The following RASSF3 variants were observed in gnomAD, a reference collection of about 807,000 sequenced individuals.
RASSF3 encodes the protein Ras association domain family member 3, also known as ras association domain-containing protein 3.
RASSF3 carries 19 observed loss-of-function variants against 19.9 expected under a neutral mutation model. That is an observed-to-expected ratio of 0.96 (90% CI 0.67 to 1.40). The LOEUF (loss-of-function observed/expected upper bound fraction) is 1.40. Among genes scored for constraint, RASSF3 ranks in the 40% most tolerant of loss-of-function variants. The probability of loss-of-function intolerance (pLI) is 0.00; values close to 1 mark genes in which losing one functional copy is unlikely to be tolerated. For synonymous variants in RASSF3, 110 were observed against 104.2 expected (o/e 1.06, Z -0.34); for missense variants, 306 against 289.8 (o/e 1.06, Z -0.41).
chr12:64,509,806 G>A (rs866204695), intron 1 of RASSF3, among the ~76,000 whole-genome samples: 5 of 151,924 alleles, frequency 3.3e-5, no homozygotes, highest in African/African-American at 1.2e-4. Flanking sequence ...TTTTTGTTGA[G>A]GCCAAGCTCA....
intron 1 of RASSF3, among the ~76,000 whole-genome samples, chr12:64,635,925 T>C (rs933789002): frequency 6.6e-6 from 1 of 152,116 alleles, no homozygotes; most frequent in Non-Finnish European, 1.5e-5. Context: ...ATTATGAAAA[T>C]AGGCAGTATC....
intron 1 of RASSF3, among the ~76,000 whole-genome samples, chr12:64,641,079 C>A (rs2682724): frequency 6.6e-6 from 1 of 151,966 alleles, no homozygotes. Flanking sequence ...TCGTTTGGAT[C>A]GTTTCCATGT....
chr12:64,542,869 A>T (rs1414307092), downstream of RASSF3, among the ~76,000 whole-genome samples: 1 of 152,166 alleles, frequency 6.6e-6, no homozygotes, highest in East Asian at 1.9e-4. Flanking sequence ...GCACTGTGGG[A>T]GCCCCTTCCT....
downstream of RASSF3, among the ~76,000 whole-genome samples, chr12:64,544,421 A>C (rs1869015802): frequency 6.6e-6 from 1 of 152,174 alleles, no homozygotes. Flanking sequence ...ACTCACCGGG[A>C]GGGTCCGCGG....
chr12:64,603,290 T>C (rs1022503866), intron 2 of RASSF3, among the ~76,000 whole-genome samples: 1 of 152,190 alleles, frequency 6.6e-6, no homozygotes, highest in African/African-American at 2.4e-5. Flanking sequence ...AACATGATTA[T>C]GATGATCAAG....
intron 2 of RASSF3, among the ~76,000 whole-genome samples, chr12:64,582,962 C>T (rs1208809652): frequency 2.0e-5 from 3 of 152,186 alleles, no homozygotes; most frequent in Non-Finnish European, 4.4e-5. Context: ...TTTTGAAGTA[C>T]TTGATCAATC....
chr12:64,547,531 C>A (rs1363170231), intron 2 of RASSF3, among the ~76,000 whole-genome samples: 1 of 151,884 alleles, frequency 6.6e-6, no homozygotes, highest in Non-Finnish European at 1.5e-5. Flanking sequence ...CATGTCACTG[C>A]ATTCCAGCCT....
chr12:64,577,688 C>T (rs530835117), intron 2 of RASSF3, among the ~76,000 whole-genome samples: 20 of 152,226 alleles, frequency 1.3e-4, no homozygotes, highest in Admixed American at 7.2e-4. Context: ...GCCAAGATCA[C>T]GGCACTGCAC....
intron 1 of RASSF3, among the ~76,000 whole-genome samples, chr12:64,633,201 G>C (rs142019176): frequency 4.3e-4 from 66 of 152,300 alleles, no homozygotes; most frequent in African/African-American, 1.4e-3. Flanking sequence ...CATATGTTTT[G>C]AGTGTGGTGA....
intron 3 of RASSF3, 75 bp downstream of exon 3, chr12:64,688,528 C>A: frequency 9.5e-7 from 1 of 1,048,800 alleles, no homozygotes; most frequent in Non-Finnish European, 1.5e-6. Flanking sequence ...AGAGGGAAGA[C>A]TGGTGGGTCT....
At chr12:64,624,069 G>A (rs1331296432) in intron 1 of RASSF3, among the ~76,000 whole-genome samples, 1 of 151,980 alleles carries the variant, frequency 6.6e-6, no homozygotes, top group Non-Finnish European at 1.5e-5. Flanking sequence ...TGGCTGTCAT[G>A]TTGATGGTCT....
intron 1 of RASSF3, among the ~76,000 whole-genome samples, chr12:64,671,663 G>A (rs539375446): frequency 6.6e-6 from 1 of 152,324 alleles, no homozygotes; most frequent in African/African-American, 2.4e-5. Flanking sequence ...GGCAGGAGGA[G>A]GAAGGTGATT....
At chr12:64,664,149 C>T (rs769006674) in intron 1 of RASSF3, among the ~76,000 whole-genome samples, 6 of 152,026 alleles carry the variant, frequency 3.9e-5, no homozygotes, top group Admixed American at 2.6e-4. Context: ...CTTCATTCTC[C>T]GTTCCTGGTC....
rs56185632 is a variant in RASSF3 at position 64,623,711 on chromosome 12, C to A, written c.111+12968C>A. ...AGGCTGGAGTGCAGTGGCACGATCT[C>A]GGCTCACTGCAGCTTCTGCTTCCCA... On this transcript the variant is annotated intron_variant, in intron 1 of 4. Coordinates refer to ENST00000542104, the MANE Select transcript of RASSF3 (RefSeq NM_178169.4). Among the ~76,000 whole-genome samples, 390 of 150,846 alleles carry A rather than the reference C, an allele frequency of 2.6e-3. 4 individuals are homozygous for A. The highest frequency in any genetic ancestry group is 9.4e-3 in the African/African-American group (377 of 40,228).
At chr12:64,610,337 C>G (rs551891061), upstream of RASSF3, among the ~76,000 whole-genome samples, 9 of 150,334 alleles carry the variant, frequency 6.0e-5, no homozygotes, top group East Asian at 1.9e-4. Flanking sequence ...GGGCTCCCCC[C>G]ACCTGCGGGC....
chr12:64,676,007 A>G (rs1872885408), intron 1 of RASSF3, among the ~76,000 whole-genome samples: 1 of 151,990 alleles, frequency 6.6e-6, no homozygotes, highest in Admixed American at 6.6e-5. Flanking sequence ...CCATACACCA[A>G]GATAAGCATT....
chr12:64,612,338 A>C (rs1233817265), intron 1 of RASSF3, among the ~76,000 whole-genome samples: 5 of 152,120 alleles, frequency 3.3e-5, no homozygotes, highest in Non-Finnish European at 7.3e-5. Context: ...AATCTCCTGA[A>C]AACTGGCTGG....
At chr12:64,545,431 G>C (rs1205473252), downstream of RASSF3, among the ~76,000 whole-genome samples, 1 of 152,124 alleles carries the variant, frequency 6.6e-6, no homozygotes, top group Admixed American at 6.5e-5. Context: ...AAAAATTTTA[G>C]AAAATGATGA....
At chr12:64,693,427 T>C (rs75136093) in intron 4 of RASSF3, among the ~76,000 whole-genome samples, 1 of 147,944 alleles carries the variant, frequency 6.8e-6, no homozygotes, top group Non-Finnish European at 1.5e-5. Flanking sequence ...TTTTTTTTTT[T>C]CTTTTTAAAG....
Sources: gnomAD v4.1 joint callset for allele counts (sites outside exome capture counted in the v4.1 genomes callset) on GRCh38, gnomAD v4.1.1 for gene constraint, MANE v1.5 for transcripts, NCBI Gene and HGNC (gene_info 2026-07-23, HGNC 2026-07-21) for gene names.